The following PIP5K1B variants were observed in gnomAD, a reference collection of about 807,000 sequenced individuals.
The protein encoded by PIP5K1B is phosphatidylinositol 4-phosphate 5-kinase type-1 beta.
PIP5K1B carries 42 observed loss-of-function variants against 67.0 expected under a neutral mutation model. The observed-to-expected ratio is 0.63, with a 90% CI of 0.49 to 0.81. PIP5K1B has a LOEUF of 0.81. Ranked by LOEUF, PIP5K1B falls within the 30% of genes least tolerant of loss-of-function variation. The pLI is 0.00. For synonymous variants in PIP5K1B, 214 were observed against 231.4 expected (o/e 0.92, Z 0.68); for missense variants, 459 against 646.3 (o/e 0.71, Z 3.14).
intron 8 of PIP5K1B, among the ~76,000 whole-genome samples, chr9:68,906,934 G>A (rs949378121): frequency 1.3e-5 from 2 of 152,092 alleles, no homozygotes; most frequent in African/African-American, 4.8e-5. Flanking sequence ...TAGTTTGTTA[G>A]CAATTTCAGA....
At chr9:68,805,896 G>A (rs1368723941) in intron 2 of PIP5K1B, among the ~76,000 whole-genome samples, 1 of 152,222 alleles carries the variant, frequency 6.6e-6, no homozygotes, top group Non-Finnish European at 1.5e-5. Context: ...GCTTGCTAGG[G>A]AGTATGGCTA....
intron 5 of PIP5K1B, among the ~76,000 whole-genome samples, chr9:68,872,280 G>C (rs943301717): frequency 2.6e-5 from 4 of 152,214 alleles, no homozygotes; most frequent in African/African-American, 7.2e-5. Context: ...ACCTTCACTG[G>C]ACTTGCTGTT....
At chr9:68,978,191 T>C (rs1413562744) in intron 14 of PIP5K1B, among the ~76,000 whole-genome samples, 1 of 152,180 alleles carries the variant, frequency 6.6e-6, no homozygotes, top group East Asian at 1.9e-4. Context: ...AAGTACACAA[T>C]ACGTGATTAT....
chr9:68,967,886 G>T (rs1461430351), intron 14 of PIP5K1B, among the ~76,000 whole-genome samples: 6 of 152,090 alleles, frequency 3.9e-5, no homozygotes, highest in Non-Finnish European at 8.8e-5. Flanking sequence ...TCACCCCCAT[G>T]GGGGTGAGGT....
chr9:68,830,025 C>T (rs1012346758), intron 4 of PIP5K1B, among the ~76,000 whole-genome samples: 5 of 151,948 alleles, frequency 3.3e-5, no homozygotes, highest in South Asian at 2.1e-4. Context: ...ATGCTGTATG[C>T]GTCCCAACAG....
chr9:68,947,262 C>A (rs1215467504), intron 14 of PIP5K1B, among the ~76,000 whole-genome samples: 3 of 152,244 alleles, frequency 2.0e-5, no homozygotes, highest in Admixed American at 6.5e-5. Flanking sequence ...ACCATGAGCT[C>A]TGCCACGATA....
rs1187787248 is a variant in PIP5K1B, at chr9:68,705,562, C to G, written c.-443C>G. 2.0e-5 allele frequency: 3 copies of G among 151,588 alleles called. No individual in the cohort carries two copies. The highest frequency in any genetic ancestry group is 2.0e-4 in the East Asian group (1 of 5,118). The allele number at this position is 151,588 out of a possible 1,614,324, so 9.4% of individuals were successfully genotyped here. Reference sequence around the variant, plus strand: ...GAGTTTGGCCCCGCGGCTCCAGCCCCGGCACCTGCCCGCCCTCAGCGTTGC... The same window carrying G: ...GAGTTTGGCCCCGCGGCTCCAGCCCGGGCACCTGCCCGCCCTCAGCGTTGC... On this transcript the variant is annotated 5_prime_UTR_variant, in exon 1 of 16. Coordinates refer to ENST00000265382, the MANE Select transcript of PIP5K1B (RefSeq NM_003558.4).
chr9:68,873,899 G>A (rs2132306303), intron 5 of PIP5K1B, among the ~76,000 whole-genome samples: 1 of 152,276 alleles, frequency 6.6e-6, no homozygotes, highest in South Asian at 2.1e-4. Context: ...ACTTAAGAGA[G>A]TACAGCCCAG....
At chr9:68,725,362 G>T (rs1183575815) in intron 1 of PIP5K1B, among the ~76,000 whole-genome samples, 1 of 152,186 alleles carries the variant, frequency 6.6e-6, no homozygotes, top group Non-Finnish European at 1.5e-5. Flanking sequence ...TCTATGGAAT[G>T]AAAATCTAGC....
chr9:68,933,283 A>T (rs202001656), intron 12 of PIP5K1B, among the ~76,000 whole-genome samples: 1 of 149,672 alleles, frequency 6.7e-6, no homozygotes, highest in Non-Finnish European at 1.5e-5. Flanking sequence ...GAACTTAAAG[A>T]AAAATAAAAT....
At chr9:68,808,010 C>G (rs563459616) in intron 2 of PIP5K1B, among the ~76,000 whole-genome samples, 1 of 152,276 alleles carries the variant, frequency 6.6e-6, no homozygotes, top group East Asian at 1.9e-4. Flanking sequence ...CCAGCTTGGC[C>G]AACATGGCAA....
At chr9:68,922,201 A>C (rs1826438771) in intron 11 of PIP5K1B, among the ~76,000 whole-genome samples, 1 of 152,216 alleles carries the variant, frequency 6.6e-6, no homozygotes, top group Non-Finnish European at 1.5e-5. Flanking sequence ...GCAGTGGCTC[A>C]TGCCTATAAT....
chr9:68,726,828 A>G (rs1402314625), intron 1 of PIP5K1B, among the ~76,000 whole-genome samples: 3 of 152,174 alleles, frequency 2.0e-5, no homozygotes, highest in Admixed American at 1.3e-4. Flanking sequence ...GAATTTAGAT[A>G]TTCAAATAGT....
At chr9:68,726,673 A>G (rs1828162072) in intron 1 of PIP5K1B, among the ~76,000 whole-genome samples, 1 of 152,210 alleles carries the variant, frequency 6.6e-6, no homozygotes. Flanking sequence ...AGAGGGTGCT[A>G]ATATCCTCAT....
intron 4 of PIP5K1B, 100 bp from the exon 5 acceptor site, chr9:68,863,737 C>A: frequency 2.0e-6 from 2 of 975,812 alleles, no homozygotes; most frequent in Non-Finnish European, 3.0e-6. Flanking sequence ...TGTTTTGGAG[C>A]AAGAAAGAGA....
intron 1 of PIP5K1B, among the ~76,000 whole-genome samples, chr9:68,721,166 G>C (rs1379874730): frequency 6.6e-6 from 1 of 152,204 alleles, no homozygotes; most frequent in Non-Finnish European, 1.5e-5. Flanking sequence ...TCTTCTACAG[G>C]CAATGAGGCA....
intron 6 of PIP5K1B, 65 bp from the exon 7 acceptor site, chr9:68,888,916 G>C (rs1464773127): frequency 1.2e-5 from 14 of 1,121,812 alleles, no homozygotes; most frequent in Non-Finnish European, 1.5e-5. Flanking sequence ...TGCTATGATT[G>C]TCCTCCTTGG....
intron 7 of PIP5K1B, among the ~76,000 whole-genome samples, chr9:68,891,787 T>C (rs2132395959): frequency 6.6e-6 from 1 of 152,198 alleles, no homozygotes; most frequent in South Asian, 2.1e-4. Context: ...GGATAAAAGG[T>C]AAATCTACAA....
rs142020161 is a variant in PIP5K1B at position 68,958,855 on chromosome 9, T to C, written c.1502+18065T>C. Among the ~76,000 whole-genome samples the C allele has an allele frequency of 2.6e-3, 392 of 152,340 alleles. 3 individuals carry two copies. Among genetic ancestry groups the C allele is most frequent in the African/African-American group, 9.1e-3 (377 of 41,600 alleles). On this transcript the variant is annotated intron_variant, in intron 14 of 15. Transcript: ENST00000265382. ...TTTTTTCACATTTCCTCAGAATTGG[T>C]GACAGAGAAAAGTATTTTATGGTAT...
Sources: gnomAD v4.1 joint callset for allele counts (sites outside exome capture counted in the v4.1 genomes callset) on GRCh38, gnomAD v4.1.1 for gene constraint, MANE v1.5 for transcripts, NCBI Gene and HGNC (gene_info 2026-07-23, HGNC 2026-07-21) for gene names.